The following SASS6 variants were observed in gnomAD, a reference collection of about 807,000 sequenced individuals.
The protein encoded by SASS6 is spindle assembly abnormal protein 6 homolog.
Under a neutral mutation model 94.9 loss-of-function variants are expected in SASS6, and 59 were observed. The observed-to-expected ratio is 0.62, with a 90% CI of 0.50 to 0.77. The LOEUF (loss-of-function observed/expected upper bound fraction) is 0.77. SASS6 is among the 30% of genes least tolerant of loss of function. The pLI, the probability that SASS6 is intolerant of heterozygous loss-of-function variation, is 0.00. For synonymous variants in SASS6, 264 were observed against 270.0 expected, an observed-to-expected ratio of 0.98 and a Z score of 0.22; for missense variants, 698 against 734.1, an observed-to-expected ratio of 0.95 and a Z score of 0.57.
chr1:100,097,186 A>G (rs1024434611), intron 14 of SASS6, among the ~76,000 whole-genome samples: 1 of 152,208 alleles, frequency 6.6e-6, no homozygotes, highest in African/African-American at 2.4e-5. Flanking sequence ...GACTATACCA[A>G]CTGTTGGAAG....
At chr1:100,126,814 G>A (rs1162142842) in intron 1 of SASS6, among the ~76,000 whole-genome samples, 1 of 151,982 alleles carries the variant, frequency 6.6e-6, no homozygotes, top group East Asian at 1.9e-4. Flanking sequence ...TATGTGAAGC[G>A]ATATTAGAAT....
Position 100,118,813 on chromosome 1 carries a change from G to A in SASS6, c.669+205C>T, listed in dbSNP as rs583675. ...TAAATTACATATTATTTACATATAC[G>A]TAGAGAAAAGTCTGAAAAAAATACA... On this transcript the variant is annotated intron_variant, in intron 7 of 16. Transcript: ENST00000287482. 9.2e-3 allele frequency among the ~76,000 whole-genome samples: 1,395 copies of A among 151,906 alleles called. 26 individuals are homozygous for A. Among genetic ancestry groups the A allele is most frequent in the African/African-American group, 0.032 (1,345 of 41,422 alleles).
intron 7 of SASS6, among the ~76,000 whole-genome samples, chr1:100,115,756 G>A (rs1333201369): frequency 1.3e-5 from 2 of 152,104 alleles, no homozygotes; most frequent in Non-Finnish European, 2.9e-5. Context: ...GGAGGTTGAG[G>A]CTGTAGTGAG....
At chr1:100,128,316 C>T (rs1654769097) in intron 1 of SASS6, among the ~76,000 whole-genome samples, 3 of 152,184 alleles carry the variant, frequency 2.0e-5, no homozygotes, top group African/African-American at 4.8e-5. Context: ...GCAGTACAGG[C>T]GTGGGCCACT....
intron 7 of SASS6, among the ~76,000 whole-genome samples, chr1:100,118,036 G>A (rs1002483500): frequency 3.3e-5 from 5 of 151,960 alleles, no homozygotes; most frequent in African/African-American, 7.3e-5. Context: ...AATTAAGAAC[G>A]TGGCAGGGCA....
At chr1:100,126,504 G>A (rs1157672665) in intron 1 of SASS6, among the ~76,000 whole-genome samples, 11 of 152,116 alleles carry the variant, frequency 7.2e-5, no homozygotes, top group Admixed American at 5.9e-4. Context: ...GTGGCCCGTC[G>A]CAGTGGCTCA....
chr1:100,128,200 C>T (rs531251950), intron 1 of SASS6, among the ~76,000 whole-genome samples: 1 of 152,176 alleles, frequency 6.6e-6, no homozygotes, highest in South Asian at 2.1e-4. Context: ...CCACACCTGG[C>T]TAATTTTCGT....
At chr1:100,118,498 G>T (rs1246649442) in intron 7 of SASS6, among the ~76,000 whole-genome samples, 5 of 152,130 alleles carry the variant, frequency 3.3e-5, no homozygotes, top group Admixed American at 6.5e-5. Context: ...GAAACTAAGA[G>T]TGCTTCTTGC....
chr1:100,121,907 G>A (rs1254393023), intron 4 of SASS6, among the ~76,000 whole-genome samples: 2 of 152,166 alleles, frequency 1.3e-5, no homozygotes, highest in Non-Finnish European at 2.9e-5. Context: ...CCTAATTGCT[G>A]AGGAAAAGTT....
intron 2 of SASS6, among the ~76,000 whole-genome samples, chr1:100,125,087 G>A (rs1183196193): frequency 1.3e-5 from 2 of 152,008 alleles, no homozygotes; most frequent in African/African-American, 4.8e-5. Flanking sequence ...TCACACTTTT[G>A]AAGGTTATAT....
In SASS6 at chr1:100,092,007, C is replaced by CAA. The variant is rs34503110; in HGVS notation, c.1675-3773_1675-3772dup. 9.7e-3 allele frequency among the ~76,000 whole-genome samples: 485 copies of CAA among 50,004 alleles called. 24 individuals are homozygous for CAA. Among genetic ancestry groups the CAA allele is most frequent in the African/African-American group, 0.03 (376 of 12,692 alleles). 32.8% of individuals were successfully genotyped at this position (50,004 alleles called of 152,430 possible). A position where few individuals can be genotyped will look rare whatever the true frequency, so the allele number is the denominator to read the frequency against. ...TGAGCTACAAAGCGAGACCCTGTCT[C>CAA]AAAAAAAAAAAAAAAAAAAAAAAAA... On this transcript the variant is annotated intron_variant, in intron 14 of 16. Transcript: ENST00000287482.
At chr1:100,123,376 C>A in intron 2 of SASS6, 87 bp from the exon 3 acceptor site, 1 of 658,732 alleles carries the variant, frequency 1.5e-6, no homozygotes, top group Non-Finnish European at 2.7e-6. Flanking sequence ...AATCCAACAA[C>A]ATCAGTGTAT....
chr1:100,102,281 T>C (rs1049968049), intron 14 of SASS6, among the ~76,000 whole-genome samples: 3 of 152,294 alleles, frequency 2.0e-5, no homozygotes, highest in Non-Finnish European at 2.9e-5. Context: ...CTTTAAATTC[T>C]AGCAATGGAC....
intron 14 of SASS6, among the ~76,000 whole-genome samples, chr1:100,093,579 G>C (rs571180121): frequency 6.6e-6 from 1 of 151,932 alleles, no homozygotes; most frequent in Admixed American, 6.6e-5. Flanking sequence ...TGGGAAACAT[G>C]GCAAAACCCT....
intron 7 of SASS6, among the ~76,000 whole-genome samples, chr1:100,112,908 T>C (rs1653452605): frequency 6.6e-6 from 1 of 152,216 alleles, no homozygotes; most frequent in Non-Finnish European, 1.5e-5. Flanking sequence ...CTTCAAATGA[T>C]TCTCACGCAC....
chr1:100,120,866 C>T (rs1387878262), intron 5 of SASS6, among the ~76,000 whole-genome samples: 2 of 151,494 alleles, frequency 1.3e-5, no homozygotes, highest in South Asian at 2.1e-4. Flanking sequence ...CTGGCTAAAA[C>T]GGTGAAACCC....
Position 100,108,007 on chromosome 1 carries a change from A to G in SASS6, c.862-3T>C. The G allele has an allele frequency of 6.4e-7, 1 of 1,568,676 alleles. No homozygotes were observed. The highest frequency in any genetic ancestry group is 1.2e-5 in the South Asian group (1 of 83,888). On this transcript the variant is annotated splice_region_variant and splice_polypyrimidine_tract_variant and intron_variant, in intron 8 of 16. Coordinates refer to ENST00000287482, the MANE Select transcript of SASS6 (RefSeq NM_194292.3). ...TCTTGCTTAGTCCGCTGTAGCTCCT[A>G]GAATGGGAAAAGAAAGAAATTAAGC...
At chr1:100,118,531 A>G (rs1380509144) in intron 7 of SASS6, among the ~76,000 whole-genome samples, 1 of 152,150 alleles carries the variant, frequency 6.6e-6, no homozygotes, top group Non-Finnish European at 1.5e-5. Context: ...AATAACCAAA[A>G]CTTCGAAGCA....
At chr1:100,122,341 G>C in intron 4 of SASS6, 39 bp downstream of exon 4, 1 of 885,704 alleles carries the variant, frequency 1.1e-6, no homozygotes, top group South Asian at 1.5e-5. Context: ...AGTCTGTCTT[G>C]AATTAAATTT....
Sources: allele counts gnomAD v4.1 joint callset (sites outside exome capture counted in the v4.1 genomes callset), GRCh38; gene constraint gnomAD v4.1.1; transcripts MANE v1.5; gene names NCBI Gene and HGNC (gene_info 2026-07-23, HGNC 2026-07-21).